PDE3A: variants seen among roughly 807,000 people sequenced by gnomAD.
PDE3A encodes the protein cGMP-inhibited 3',5'-cyclic phosphodiesterase 3A.
A neutral mutation model predicts 98.3 loss-of-function variants in PDE3A; 43 were observed. The ratio of observed to expected loss-of-function variants is 0.44; its 90% CI spans 0.34 to 0.56. The LOEUF (loss-of-function observed/expected upper bound fraction) is 0.56, where lower values mean the gene tolerates loss of function less well. PDE3A is among the 20% of genes least tolerant of loss of function. The pLI is 0.01. For synonymous variants in PDE3A, 663 were observed against 567.9 expected (o/e 1.17, Z -2.38); for missense variants, 1,427 against 1,440.7 (o/e 0.99, Z 0.15).
At chr12:20,577,455 T>C (rs1942962486) in intron 2 of PDE3A, among the ~76,000 whole-genome samples, 1 of 152,172 alleles carries the variant, frequency 6.6e-6, no homozygotes, top group Non-Finnish European at 1.5e-5. Context: ...CTCCTCACAG[T>C]GTTATTGAAC....
chr12:20,637,726 G>A (rs77699242), intron 9 of PDE3A, among the ~76,000 whole-genome samples: 11,775 of 152,100 alleles, frequency 0.077, 481 homozygotes, highest in East Asian at 0.1. Flanking sequence ...TAGAGTTATA[G>A]AATAATACTG....
intron 1 of PDE3A, among the ~76,000 whole-genome samples, chr12:20,470,811 C>T (rs1167878531): frequency 6.6e-6 from 1 of 152,002 alleles, no homozygotes; most frequent in Non-Finnish European, 1.5e-5. Flanking sequence ...GTTCTAATCC[C>T]TTATGTGATG....
Position 20,371,362 on chromosome 12 carries a change from G to A in PDE3A, c.960+1118G>A, listed in dbSNP as rs1009120310. 1.6e-5 allele frequency: 16 copies of A among 985,028 alleles called. 1 individual carries two copies. The South Asian group carries it at 7.0e-4, about 43-fold the overall frequency. The allele number at this position is 985,028 out of a possible 1,614,324, so 61.0% of individuals were successfully genotyped here. ...AAGTGGATTTGACACTTGATGGGGA[G>A]GAGGAGCTGGTTGGATACAGCAAGT... On this transcript the variant is annotated intron_variant, in intron 1 of 15. Coordinates refer to ENST00000359062, the MANE Select transcript of PDE3A (RefSeq NM_000921.5).
In PDE3A at chr12:20,683,895, T is replaced by G. The variant is rs1218842744; in HGVS notation, c.*3624T>G. On this transcript the variant is annotated 3_prime_UTR_variant, in exon 16 of 16. Transcript: ENST00000359062. ...GGAATATCTTACAGACTGTTCATAT[T>G]AGATGTATGTAGACTGTTAATTTGC... 1 of 152,202 alleles carries G rather than the reference T, an allele frequency of 6.6e-6. No individual in the cohort carries two copies. The highest frequency in any genetic ancestry group is 1.5e-5 in the Non-Finnish European group (1 of 68,026). 9.4% of individuals were successfully genotyped at this position (152,202 alleles called of 1,614,324 possible).
chr12:20,685,216 C>G lies in PDE3A; in HGVS notation c.*4945C>G, dbSNP rs1439468428. Among the ~76,000 whole-genome samples, 1 of 151,838 alleles carries G rather than the reference C, an allele frequency of 6.6e-6. No individual in the cohort carries two copies. The highest frequency in any genetic ancestry group is 2.4e-5 in the African/African-American group (1 of 41,326). Reference sequence around the variant, plus strand: ...TCACCTGAGGTCGGGAGTTCGACACCAGCCTGACCAACACGGAGAAACCCC... The same window carrying G: ...TCACCTGAGGTCGGGAGTTCGACACGAGCCTGACCAACACGGAGAAACCCC... On this transcript the variant is annotated 3_prime_UTR_variant, in exon 16 of 16. Coordinates refer to ENST00000359062, the MANE Select transcript of PDE3A (RefSeq NM_000921.5).
In PDE3A at chr12:20,629,951, A is replaced by G. The variant is rs757927567; in HGVS notation, c.1584A>G (p.Ser528=). 1.2e-6 allele frequency: 2 copies of G among 1,613,628 alleles called. No homozygotes were observed. The highest frequency in any genetic ancestry group is 1.3e-5 in the African/African-American group (1 of 74,778). ...CACCTCTTTCATCGCCCTGCTCCTC[A>G]CCTCTCCAAGGGACTCCTGCCAGCA... ...KISPLSSPCS[S]PLQGTPASSL... is the part of the protein sequence containing the mutation. Residue 528 remains serine, a synonymous_variant, in exon 6 of 16, where the codon TCA becomes TCG. Transcript: ENST00000359062.
intron 1 of PDE3A, among the ~76,000 whole-genome samples, chr12:20,477,030 C>T (rs577568855): frequency 2.0e-5 from 3 of 152,208 alleles, no homozygotes; most frequent in East Asian, 3.9e-4. Flanking sequence ...AATACTATTT[C>T]GTGGTTTAGT....
chr12:20,553,055 G>C (rs1942259754), intron 1 of PDE3A: 1 of 1,208,216 alleles, frequency 8.3e-7, no homozygotes. Flanking sequence ...AAACGTGTCG[G>C]AGGGCTCGTT....
At chr12:20,562,940 A>T (rs191313076) in intron 2 of PDE3A, among the ~76,000 whole-genome samples, 1 of 152,300 alleles carries the variant, frequency 6.6e-6, no homozygotes, top group Admixed American at 6.5e-5. Flanking sequence ...AAAGTGATTA[A>T]ATGCACACTA....
intron 2 of PDE3A, among the ~76,000 whole-genome samples, chr12:20,601,615 T>C (rs536961720): frequency 5.9e-5 from 9 of 152,288 alleles, no homozygotes; most frequent in Admixed American, 3.3e-4. Flanking sequence ...CTTATAAAAA[T>C]TGAGAAACGT....
intron 2 of PDE3A, among the ~76,000 whole-genome samples, chr12:20,569,537 C>T (rs117159760): frequency 2.0e-5 from 3 of 152,038 alleles, no homozygotes; most frequent in Admixed American, 6.6e-5. Flanking sequence ...CCCATTAAGG[C>T]ATTACCCTAT....
intron 1 of PDE3A, among the ~76,000 whole-genome samples, chr12:20,487,685 T>G (rs1455457149): frequency 2.0e-5 from 3 of 151,068 alleles, no homozygotes; most frequent in African/African-American, 4.9e-5. Flanking sequence ...AAAAAAGTGG[T>G]CAGTTTCTAC....
Position 20,368,954 on chromosome 12 carries a change from C to A in PDE3A, c.-331C>A, listed in dbSNP as rs542941420. On this transcript the variant is annotated 5_prime_UTR_variant, in exon 1 of 16. Coordinates refer to ENST00000359062, the MANE Select transcript of PDE3A (RefSeq NM_000921.5). Reference sequence around the variant, plus strand: ...GGAAGAGACCCCGGAGGATATAAGTCGGGGGTGGGGGTGGAGCAGAGAATC... The same window carrying A: ...GGAAGAGACCCCGGAGGATATAAGTAGGGGGTGGGGGTGGAGCAGAGAATC... Among the ~76,000 whole-genome samples the A allele has an allele frequency of 6.6e-6, 1 of 151,452 alleles. No individual in the cohort carries two copies. The highest frequency in any genetic ancestry group is 2.4e-5 in the African/African-American group (1 of 41,202).
chr12:20,589,868 TAAAAAAAAA>T (rs11362815), intron 2 of PDE3A, among the ~76,000 whole-genome samples: 1 of 112,398 alleles, frequency 8.9e-6, no homozygotes, highest in East Asian at 2.5e-4. Context: ...GACTGCATCT[TAAAAAAAAA>T]AAAAAAAAAA....
intron 15 of PDE3A, among the ~76,000 whole-genome samples, chr12:20,677,573 C>T (rs1302423808): frequency 3.3e-5 from 5 of 152,100 alleles, no homozygotes; most frequent in Non-Finnish European, 7.4e-5. Flanking sequence ...AATTCTCCTG[C>T]CTCAGCCTTC....
At chr12:20,434,235 G>T (rs1944744578) in intron 1 of PDE3A, among the ~76,000 whole-genome samples, 2 of 151,002 alleles carry the variant, frequency 1.3e-5, no homozygotes, top group African/African-American at 4.9e-5. Context: ...GCCTGTTTTT[G>T]CTCATGACTA....
Position 20,654,209 on chromosome 12 carries a change from A to G in PDE3A, c.3184+4A>G. On this transcript the variant is annotated splice_donor_region_variant and intron_variant, in intron 15 of 15. Coordinates refer to ENST00000359062, the MANE Select transcript of PDE3A (RefSeq NM_000921.5). ...TGTGAAAATAATGAATCTCCAAGTA[A>G]GTTCTAAAACCTAGTTCTAATGTGT... is the stretch of plus-strand genomic sequence containing the variant. 1 of 1,613,922 alleles carries G rather than the reference A, an allele frequency of 6.2e-7. No homozygotes were observed. The highest frequency in any genetic ancestry group is 1.1e-5 in the South Asian group (1 of 91,074).
At chr12:20,645,051 G>T (rs1310668407) in intron 10 of PDE3A, among the ~76,000 whole-genome samples, 1 of 151,928 alleles carries the variant, frequency 6.6e-6, no homozygotes, top group Non-Finnish European at 1.5e-5. Flanking sequence ...ACCACGCTCG[G>T]CTAATTTTTG....
chr12:20,380,926 T>C (rs17324215), intron 1 of PDE3A, among the ~76,000 whole-genome samples: 6,016 of 151,990 alleles, frequency 0.04, 169 homozygotes, highest in Non-Finnish European at 0.058. Flanking sequence ...TTTAACTTTG[T>C]TTGCATTTTG....
Sources: gnomAD v4.1 joint callset for allele counts (sites outside exome capture counted in the v4.1 genomes callset) on GRCh38, gnomAD v4.1.1 for gene constraint, MANE v1.5 for transcripts, NCBI Gene and HGNC (gene_info 2026-07-23, HGNC 2026-07-21) for gene names.